The following TWIST2 variants were observed in gnomAD, a reference collection of about 807,000 sequenced individuals.
TWIST2 encodes twist family bHLH transcription factor 2.
In TWIST2, 1 loss-of-function variant was observed where a neutral mutation model predicts 11.6. The observed-to-expected ratio is 0.09, with a 90% confidence interval of 0.03 to 0.41. The LOEUF is 0.41. Among genes scored for constraint, TWIST2 ranks in the 10% least tolerant of loss-of-function variants. The probability of loss-of-function intolerance (pLI) is 0.98; values close to 1 mark genes in which losing one functional copy is unlikely to be tolerated. For missense variants in TWIST2, 168 were observed against 226.4 expected (o/e 0.74, Z 1.66); for synonymous variants, 87 against 96.6 (o/e 0.90, Z 0.58).
intron 1 of TWIST2, among the ~76,000 whole-genome samples, chr2:238,903,019 A>C: frequency 1.8e-4 from 1 of 5,626 alleles, no homozygotes; most frequent in Non-Finnish European, 3.4e-4. Context: ...GGTGTGTGTG[A>C]TGTGGGTGTG....
chr2:238,861,523 C>G (rs751773412), intron 1 of TWIST2, among the ~76,000 whole-genome samples: 4 of 152,128 alleles, frequency 2.6e-5, no homozygotes, highest in Non-Finnish European at 5.9e-5. Context: ...CAAGTCGGCA[C>G]CCTTAGGCGC....
rs936499427 is a variant in TWIST2 at position 238,864,279 on chromosome 2, C to T, written c.*35+15546C>T. On this transcript the variant is annotated intron_variant, in intron 1 of 1. Transcript: ENST00000612363. This position sits in a 1 kb window ranked among gnomAD's most constrained non-coding sequence, Gnocchi z 4.7. The stretch of plus-strand genomic sequence containing the variant: ...CAAGCACGCGACTGTGAGCGGCGAT[C>T]GGGGCCTGATCCTCAGTTCGAAGAC... Among the ~76,000 whole-genome samples the T allele has an allele frequency of 1.3e-5, 2 of 152,190 alleles. No individual in the cohort carries two copies. The highest frequency in any genetic ancestry group is 2.4e-5 in the African/African-American group (1 of 41,448).
chr2:238,857,257 C>A (rs1692348610), intron 1 of TWIST2, among the ~76,000 whole-genome samples: 1 of 152,164 alleles, frequency 6.6e-6, no homozygotes, highest in East Asian at 1.9e-4. Context: ...CCTGGCACTT[C>A]CCTGGTCCCT....
At chr2:238,894,754 G>A (rs1693188195) in intron 1 of TWIST2, among the ~76,000 whole-genome samples, 1 of 151,856 alleles carries the variant, frequency 6.6e-6, no homozygotes, top group African/African-American at 2.4e-5. Context: ...TCTCAACTGG[G>A]ACTGATCTCC....
intron 1 of TWIST2, among the ~76,000 whole-genome samples, chr2:238,883,648 CTA>C (rs1373558580): frequency 6.6e-6 from 1 of 152,114 alleles, no homozygotes; most frequent in African/African-American, 2.4e-5. Context: ...GAAGAATTTT[CTA>C]GAAGCCTGGC....
At chr2:238,872,675 G>C (rs908256771) in intron 1 of TWIST2, among the ~76,000 whole-genome samples, 1 of 152,172 alleles carries the variant, frequency 6.6e-6, no homozygotes, top group African/African-American at 2.4e-5. Context: ...TCTACCCATG[G>C]GGGGAAGTAG....
chr2:238,848,771 G>C (rs1431613736), intron 1 of TWIST2, 38 bp downstream of exon 1: 1 of 1,318,932 alleles, frequency 7.6e-7, no homozygotes, highest in South Asian at 2.2e-5. Flanking sequence ...CTCCGCTGCG[G>C]GGGGCGGGCG....
intron 1 of TWIST2, among the ~76,000 whole-genome samples, chr2:238,894,615 G>A (rs913674442): frequency 0.012 from 1,900 of 152,200 alleles, 76 homozygotes; most frequent in East Asian, 0.12. Flanking sequence ...CCTCCTTGTC[G>A]CTTTGGGGAG....
Position 238,863,786 on chromosome 2 carries a change from G to A in TWIST2, c.*35+15053G>A, listed in dbSNP as rs1192964889. 2.0e-5 allele frequency among the ~76,000 whole-genome samples: 3 copies of A among 152,294 alleles called. No individual in the cohort carries two copies. The highest frequency in any genetic ancestry group is 2.1e-4 in the South Asian group (1 of 4,828). On this transcript the variant is annotated intron_variant, in intron 1 of 1. Coordinates refer to ENST00000612363, the MANE Select transcript of TWIST2 (RefSeq NM_001271893.4). This position sits in a 1 kb window ranked among gnomAD's most constrained non-coding sequence, Gnocchi z 4.7. ...AAGCCCTTTCTTAGCTACTAGAGACGTTTTATTCACTTTTTACCAGGATCA... is the reference window on the plus strand; with the variant it reads ...AAGCCCTTTCTTAGCTACTAGAGACATTTTATTCACTTTTTACCAGGATCA...
At chr2:238,876,020 C>T (rs143386680) in intron 1 of TWIST2, among the ~76,000 whole-genome samples, 3,711 of 152,318 alleles carry the variant, frequency 0.024, 140 homozygotes, top group African/African-American at 0.085. Flanking sequence ...GGGTTCACAT[C>T]GTCATCCCAC....
At chr2:238,874,830 C>A (rs1368160271) in intron 1 of TWIST2, among the ~76,000 whole-genome samples, 1 of 152,056 alleles carries the variant, frequency 6.6e-6, no homozygotes, top group Non-Finnish European at 1.5e-5. Context: ...GCCTGGGCTC[C>A]CCAGGGTACT....
chr2:238,903,042 GGT>G (rs1226348171), intron 1 of TWIST2, among the ~76,000 whole-genome samples: 2 of 122,916 alleles, frequency 1.6e-5, no homozygotes, highest in Non-Finnish European at 3.4e-5. Flanking sequence ...TGATGTGTGA[GGT>G]GTGTGTGATG....
chr2:238,877,958 A>C (rs1275712635), intron 1 of TWIST2, among the ~76,000 whole-genome samples: 1 of 152,166 alleles, frequency 6.6e-6, no homozygotes. Context: ...CAGAAAACGC[A>C]ATGAAATGGA....
intron 1 of TWIST2, among the ~76,000 whole-genome samples, chr2:238,862,366 G>C (rs1242450897): frequency 6.6e-6 from 1 of 151,946 alleles, no homozygotes. Context: ...ACTAGAAAAA[G>C]GGCCTTTAAA....
chr2:238,874,405 T>C (rs532843105), intron 1 of TWIST2, among the ~76,000 whole-genome samples: 1 of 152,304 alleles, frequency 6.6e-6, no homozygotes, highest in Admixed American at 6.5e-5. Flanking sequence ...CCAATTTAGT[T>C]ACTTAAGGCT....
chr2:238,873,648 C>T (rs1034518927), intron 1 of TWIST2, among the ~76,000 whole-genome samples: 2 of 152,130 alleles, frequency 1.3e-5, no homozygotes, highest in African/African-American at 2.4e-5. Flanking sequence ...TGGGTCCGAG[C>T]GCTCCTCCCT....
intron 1 of TWIST2, among the ~76,000 whole-genome samples, chr2:238,902,529 G>T (rs1389031426): frequency 1.1e-4 from 6 of 56,436 alleles, no homozygotes; most frequent in Middle Eastern, 0.011. Context: ...AGTATGGGGT[G>T]TGTGTGTGGT....
At chr2:238,893,528 G>C (rs1693173393) in intron 1 of TWIST2, among the ~76,000 whole-genome samples, 1 of 152,142 alleles carries the variant, frequency 6.6e-6, no homozygotes, top group Admixed American at 6.5e-5. Context: ...AGGCCCCGGA[G>C]CCTGGACACC....
Position 238,867,401 on chromosome 2 carries a change from A to ACACACACACT in TWIST2, c.*35+18677_*35+18678insTCACACACAC, listed in dbSNP as rs1692562038. Among the ~76,000 whole-genome samples the ACACACACACT allele has an allele frequency of 6.6e-6, 1 of 151,108 alleles. No homozygotes were observed. The highest frequency in any genetic ancestry group is 1.9e-4 in the East Asian group (1 of 5,140). On this transcript the variant is annotated intron_variant, in intron 1 of 1. Transcript: ENST00000612363. The surrounding 1 kb of genome is among the most constrained non-coding windows in gnomAD (Gnocchi z 4.8). ...CACACACACACACACACACACACAC[A>ACACACACACT]CACACACACACTCCTCAGTAAAATA...
Sources: gnomAD v4.1 joint callset for allele counts (sites outside exome capture counted in the v4.1 genomes callset) on GRCh38, gnomAD v4.1.1 for gene constraint, Gnocchi (gnomAD v3.1) non-coding constraint, MANE v1.5 for transcripts, NCBI Gene and HGNC (gene_info 2026-07-23, HGNC 2026-07-21) for gene names.